The following CMIP variants were observed in gnomAD, a reference collection of about 807,000 sequenced individuals.
CMIP encodes the protein C-Maf-inducing protein.
Under a neutral mutation model 97.3 loss-of-function variants are expected in CMIP, and 13 were observed. The observed-to-expected ratio is 0.13, with a 90% CI of 0.09 to 0.21. The LOEUF (loss-of-function observed/expected upper bound fraction) is 0.21. Among genes scored for constraint, CMIP ranks in the 10% least tolerant of loss-of-function variants. The pLI is 1.00. For missense variants in CMIP, 847 were observed against 1,024.9 expected (o/e 0.83, Z 2.37); for synonymous variants, 538 against 436.3 (o/e 1.23, Z -2.91).
At chr16:81,489,513 C>T (rs2089372638) in intron 1 of CMIP, among the ~76,000 whole-genome samples, 1 of 152,318 alleles carries the variant, frequency 6.6e-6, no homozygotes, top group South Asian at 2.1e-4. Context: ...GTCCCTCTTT[C>T]CAAAAGTGCC....
rs889749891 is a variant in CMIP, at chr16:81,711,626, A to G, written c.*1827A>G. 1 of 152,066 alleles carries G rather than the reference A, an allele frequency of 6.6e-6. No homozygotes were observed. The highest frequency in any genetic ancestry group is 2.4e-5 in the African/African-American group (1 of 41,430). The allele number at this position is 152,066 out of a possible 1,614,324, so 9.4% of individuals were successfully genotyped here. On this transcript the variant is annotated 3_prime_UTR_variant, in exon 21 of 21. Coordinates refer to ENST00000537098, the MANE Select transcript of CMIP (RefSeq NM_198390.3). ...TAAAAAAAATAAAAAAGGAAAAAAA[A>G]AAAAGAAGAAACAAGACATGCCACC...
intron 15 of CMIP, among the ~76,000 whole-genome samples, chr16:81,700,235 G>T (rs1030916189): frequency 6.6e-6 from 1 of 152,078 alleles, no homozygotes; most frequent in African/African-American, 2.4e-5. Context: ...CAGACAATGA[G>T]GGCTTTGGCG....
In CMIP at chr16:81,478,166, AG is replaced by A. The variant is rs143904454; in HGVS notation, c.300+32627del. Among the ~76,000 whole-genome samples the A allele has an allele frequency of 7.3e-3, 1,118 of 152,336 alleles. 13 individuals carry two copies. The highest frequency in any genetic ancestry group is 0.025 in the African/African-American group (1,053 of 41,580). The stretch of plus-strand genomic sequence containing the variant: ...GCCAGTCTCCACTTCACTCTTGGGA[AG>A]GCGAAGGCTGGTCAGGGAGACACAT... On this transcript the variant is annotated intron_variant, in intron 1 of 20. Coordinates refer to ENST00000537098, the MANE Select transcript of CMIP (RefSeq NM_198390.3).
At position 81,614,707 on chromosome 16, in the gene CMIP, C is replaced by G. The variant is rs2091884408; in HGVS notation, c.427-6169C>G. On this transcript the variant is annotated intron_variant, in intron 2 of 20. Coordinates refer to ENST00000537098, the MANE Select transcript of CMIP (RefSeq NM_198390.3). The surrounding 1 kb of genome is among the most constrained non-coding windows in gnomAD (Gnocchi z 5.3). ...GTGTGTGTGTGTGTGTATGGTATGT[C>G]TGCATGTGTGTGCGTACACATGTGT... Among the ~76,000 whole-genome samples, 3 of 150,232 alleles carry G rather than the reference C, an allele frequency of 2.0e-5. No individual in the cohort carries two copies. The South Asian group carries it at 6.3e-4, about 32-fold the overall frequency.
intron 2 of CMIP, among the ~76,000 whole-genome samples, chr16:81,609,487 C>T (rs1313476128): frequency 6.6e-6 from 1 of 152,258 alleles, no homozygotes; most frequent in Non-Finnish European, 1.5e-5. Context: ...AGCTTTGAGG[C>T]AGCCTCTCCC....
chr16:81,650,792 T>C (rs1407300799), intron 3 of CMIP, among the ~76,000 whole-genome samples: 1 of 152,106 alleles, frequency 6.6e-6, no homozygotes, highest in Non-Finnish European at 1.5e-5. Context: ...GAGGTGCCGG[T>C]ATTTTCCATC....
At chr16:81,527,729 C>G (rs1035111538) in intron 1 of CMIP, among the ~76,000 whole-genome samples, 2 of 152,210 alleles carry the variant, frequency 1.3e-5, no homozygotes, top group East Asian at 3.8e-4. Context: ...TCTTTGGCTC[C>G]ACATGTGTTT....
intron 1 of CMIP, among the ~76,000 whole-genome samples, chr16:81,555,571 G>A (rs370264251): frequency 6.6e-6 from 1 of 152,190 alleles, no homozygotes; most frequent in African/African-American, 2.4e-5. Flanking sequence ...GTCCAAGAGG[G>A]CCTTGCCATT....
intron 1 of CMIP, among the ~76,000 whole-genome samples, chr16:81,567,383 G>T (rs773735404): frequency 1.2e-3 from 179 of 152,380 alleles, no homozygotes; most frequent in Middle Eastern, 3.4e-3. Flanking sequence ...CAGGTGTTGG[G>T]AGGGTGGCCT....
intron 7 of CMIP, among the ~76,000 whole-genome samples, chr16:81,668,860 C>CCACACCCACCTCACACTGCCTTG: frequency 6.6e-6 from 1 of 150,652 alleles, no homozygotes; most frequent in African/African-American, 2.5e-5. Context: ...TCACTGCCTT[C>CCACACCCACCTCACACTGCCTTG]CACACCCACC....
chr16:81,534,244 G>T (rs991924824), intron 1 of CMIP, among the ~76,000 whole-genome samples: 8 of 152,158 alleles, frequency 5.3e-5, no homozygotes, highest in African/African-American at 1.4e-4. Flanking sequence ...TGTGAATGTT[G>T]CCCAGTGGCC....
At chr16:81,623,455 C>A (rs1597158647) in intron 3 of CMIP, among the ~76,000 whole-genome samples, 1 of 152,180 alleles carries the variant, frequency 6.6e-6, no homozygotes, top group Non-Finnish European at 1.5e-5. Flanking sequence ...GCCAGGTGAT[C>A]AATGGTAGTC....
intron 10 of CMIP, among the ~76,000 whole-genome samples, chr16:81,679,532 T>C (rs1420285545): frequency 6.6e-6 from 1 of 151,204 alleles, no homozygotes; most frequent in Non-Finnish European, 1.5e-5. Flanking sequence ...TGTGCAGGAG[T>C]GTGTGAGTCT....
At chr16:81,529,357 G>A (rs1023412371) in intron 1 of CMIP, among the ~76,000 whole-genome samples, 5 of 152,150 alleles carry the variant, frequency 3.3e-5, no homozygotes, top group African/African-American at 1.2e-4. Context: ...AGTGAGCCCC[G>A]AGTCACCGAG....
chr16:81,506,463 G>GT (rs1458216556), intron 1 of CMIP, among the ~76,000 whole-genome samples: 12 of 152,180 alleles, frequency 7.9e-5, no homozygotes, highest in African/African-American at 2.7e-4. Flanking sequence ...GCAATTTATT[G>GT]TTTTTTAAAG....
At chr16:81,486,931 T>C (rs993901058) in intron 1 of CMIP, among the ~76,000 whole-genome samples, 1 of 152,242 alleles carries the variant, frequency 6.6e-6, no homozygotes. Context: ...CTCCCCGGCC[T>C]CCTGGGGTTC....
At chr16:81,639,526 T>C (rs1023136189) in intron 3 of CMIP, among the ~76,000 whole-genome samples, 1 of 152,218 alleles carries the variant, frequency 6.6e-6, no homozygotes, top group Non-Finnish European at 1.5e-5. Flanking sequence ...GTGGCTGCCT[T>C]ATCTCAGCCT....
Position 81,578,684 on chromosome 16 carries a change from T to G in CMIP, c.301-28883T>G, listed in dbSNP as rs116703388. 2.9e-3 allele frequency among the ~76,000 whole-genome samples: 439 copies of G among 152,338 alleles called. 1 individual carries two copies. The highest frequency in any genetic ancestry group is 0.01 in the African/African-American group (421 of 41,580). On this transcript the variant is annotated intron_variant, in intron 1 of 20. Transcript: ENST00000537098. ...GCCAGTTGGATAAAGACATTTTGGT[T>G]TTTTGCACGTGGGAGACATCACAAA...
At chr16:81,635,817 G>T (rs1166843416) in intron 3 of CMIP, among the ~76,000 whole-genome samples, 1 of 152,148 alleles carries the variant, frequency 6.6e-6, no homozygotes. Context: ...CATTCCTGCT[G>T]TGGCATTAAG....
Sources: allele counts gnomAD v4.1 joint callset (sites outside exome capture counted in the v4.1 genomes callset), GRCh38; gene constraint gnomAD v4.1.1; non-coding constraint Gnocchi (gnomAD v3.1); transcripts MANE v1.5; gene names NCBI Gene and HGNC (gene_info 2026-07-23, HGNC 2026-07-21).